The following ZFAT variants were observed in gnomAD, a reference collection of about 807,000 sequenced individuals.
ZFAT encodes zinc finger protein ZFAT.
Under a neutral mutation model 117.7 loss-of-function variants are expected in ZFAT, and 64 were observed. That is an observed-to-expected ratio of 0.54 (90% CI 0.44 to 0.67). The LOEUF (loss-of-function observed/expected upper bound fraction) is 0.67, where lower values mean the gene tolerates loss of function less well. Among genes scored for constraint, ZFAT ranks in the 30% least tolerant of loss-of-function variants. The probability of loss-of-function intolerance (pLI) is 0.00; values close to 1 mark genes in which losing one functional copy is unlikely to be tolerated. For missense variants in ZFAT, 1,433 were observed against 1,584.5 expected, an observed-to-expected ratio of 0.90 and a Z score of 1.62; for synonymous variants, 679 against 615.0, an observed-to-expected ratio of 1.10 and a Z score of -1.54.
intron 11 of ZFAT, among the ~76,000 whole-genome samples, chr8:134,554,736 G>A (rs1823436692): frequency 6.6e-6 from 1 of 152,214 alleles, no homozygotes; most frequent in Admixed American, 6.5e-5. Context: ...GCTGGCAGCT[G>A]ACCTGCAAAG....
At chr8:134,763,166 C>A in the ZFAT span, among the ~76,000 whole-genome samples, 1 of 152,086 alleles carries the variant, frequency 6.6e-6, no homozygotes, top group African/African-American at 2.4e-5. Context: ...ATAAAGTAAA[C>A]AAATAAAAAA....
chr8:134,703,281 G>A (rs540997698), intron 1 of ZFAT, among the ~76,000 whole-genome samples: 1 of 152,276 alleles, frequency 6.6e-6, no homozygotes, highest in South Asian at 2.1e-4. Flanking sequence ...TACATTTATT[G>A]ACCATTTTTA....
intron 2 of ZFAT, among the ~76,000 whole-genome samples, chr8:134,646,329 C>T (rs1830890881): frequency 6.6e-6 from 1 of 151,496 alleles, no homozygotes; most frequent in Admixed American, 6.6e-5. Context: ...GCCATTGGGC[C>T]AAAAAGGAAA....
At chr8:134,819,293 A>AT in the ZFAT span, among the ~76,000 whole-genome samples, 6,779 of 152,162 alleles carry the variant, frequency 0.045, 298 homozygotes, top group East Asian at 0.26. Context: ...AAAAAAAAGA[A>AT]TGATCTTTTA....
the ZFAT span, among the ~76,000 whole-genome samples, chr8:134,812,856 T>A: frequency 2.0e-5 from 3 of 152,228 alleles, no homozygotes; most frequent in Admixed American, 6.5e-5. Context: ...TTAATCCCCA[T>A]AACAACACTA....
chr8:134,617,916 G>A (rs1828857847), intron 3 of ZFAT, among the ~76,000 whole-genome samples: 1 of 152,110 alleles, frequency 6.6e-6, no homozygotes, highest in Non-Finnish European at 1.5e-5. Flanking sequence ...AGGGGCCCAG[G>A]GGGAGGTAAC....
chr8:134,790,535 A>C, the ZFAT span, among the ~76,000 whole-genome samples: 1 of 152,074 alleles, frequency 6.6e-6, no homozygotes, highest in African/African-American at 2.4e-5. Flanking sequence ...CGCCTCAAAA[A>C]CTTCAGTGCG....
chr8:134,517,369 T>G (rs1464870245), intron 13 of ZFAT, among the ~76,000 whole-genome samples: 2 of 152,072 alleles, frequency 1.3e-5, no homozygotes, highest in Non-Finnish European at 2.9e-5. Flanking sequence ...CCCTTCCATC[T>G]TGCTCTCTGT....
rs1203715696 is a variant in ZFAT, at chr8:134,705,095, A to G, written c.19+7750T>C. Among the ~76,000 whole-genome samples the G allele has an allele frequency of 2.6e-5, 4 of 152,228 alleles. No homozygotes were observed. The East Asian group carries it at 5.8e-4, about 22-fold the overall frequency. The stretch of plus-strand genomic sequence containing the variant: ...GAAATTGGGAGAAAATATTCACAAC[A>G]TACACACACACACATATATACAACA... On this transcript the variant is annotated intron_variant, in intron 1 of 15. Coordinates refer to ENST00000377838, the MANE Select transcript of ZFAT (RefSeq NM_020863.4).
At chr8:134,557,873 A>T (rs1297823104) in intron 11 of ZFAT, among the ~76,000 whole-genome samples, 1 of 152,234 alleles carries the variant, frequency 6.6e-6, no homozygotes. Context: ...ACACACACAG[A>T]CACAAAAAAG....
At chr8:134,779,778 A>G in the ZFAT span, among the ~76,000 whole-genome samples, 1 of 152,212 alleles carries the variant, frequency 6.6e-6, no homozygotes, top group South Asian at 2.1e-4. Flanking sequence ...AGCAATGTCA[A>G]TGCTGCTTGA....
chr8:134,654,042 A>G (rs956628888), intron 2 of ZFAT, among the ~76,000 whole-genome samples: 1 of 152,188 alleles, frequency 6.6e-6, no homozygotes, highest in African/African-American at 2.4e-5. Flanking sequence ...CATGCCTGTA[A>G]TCTCAGTACT....
intron 1 of ZFAT, among the ~76,000 whole-genome samples, chr8:134,677,447 A>G (rs1233045104): frequency 1.3e-5 from 2 of 152,212 alleles, no homozygotes; most frequent in Non-Finnish European, 2.9e-5. Flanking sequence ...TGAGGCAGTA[A>G]TGAATAGCCT....
intron 15 of ZFAT, among the ~76,000 whole-genome samples, chr8:134,500,998 T>C (rs981126632): frequency 4.6e-5 from 7 of 152,188 alleles, no homozygotes; most frequent in Admixed American, 6.5e-5. Context: ...GGCAGGAGCC[T>C]AACCTCACCA....
At chr8:134,807,098 GA>G in the ZFAT span, among the ~76,000 whole-genome samples, 2 of 152,168 alleles carry the variant, frequency 1.3e-5, no homozygotes, top group Non-Finnish European at 2.9e-5. Context: ...CAAAAAAATG[GA>G]TATTACTGAG....
intron 14 of ZFAT, 187 bp from the exon 15 acceptor site, chr8:134,509,936 A>G (rs145482338): frequency 8.5e-6 from 6 of 709,922 alleles, no homozygotes; most frequent in Admixed American, 8.4e-5. Flanking sequence ...AGCATTTTCT[A>G]TAAGAACATC....
intron 3 of ZFAT, among the ~76,000 whole-genome samples, chr8:134,633,456 G>C (rs1232963526): frequency 1.3e-5 from 2 of 152,232 alleles, no homozygotes; most frequent in African/African-American, 2.4e-5. Context: ...CCTGAGTAGT[G>C]CTTTTTGATC....
At chr8:134,540,634 T>C (rs564470577) in intron 11 of ZFAT, among the ~76,000 whole-genome samples, 2 of 152,338 alleles carry the variant, frequency 1.3e-5, no homozygotes, top group South Asian at 2.1e-4. Flanking sequence ...TACCTACTTA[T>C]ACATCAACTG....
chr8:134,519,390 T>C (rs574914265), intron 13 of ZFAT, among the ~76,000 whole-genome samples: 4 of 152,348 alleles, frequency 2.6e-5, no homozygotes, highest in African/African-American at 9.6e-5. Flanking sequence ...GTTTCCTGTA[T>C]CAAATGGGGG....
Sources: allele counts gnomAD v4.1 joint callset (sites outside exome capture counted in the v4.1 genomes callset), GRCh38; gene constraint gnomAD v4.1.1; transcripts MANE v1.5; gene names NCBI Gene and HGNC (gene_info 2026-07-23, HGNC 2026-07-21).